HUWE1: variants seen among roughly 807,000 people sequenced by gnomAD.
The protein encoded by HUWE1 is HECT, UBA and WWE domain containing E3 ubiquitin protein ligase 1, also known as E3 ubiquitin-protein ligase HUWE1.
A neutral mutation model predicts 299.4 loss-of-function variants in HUWE1; 18 were observed. The observed-to-expected ratio is 0.06, with a 90% confidence interval of 0.04 to 0.09. HUWE1 has a LOEUF of 0.09. Ranked by LOEUF, HUWE1 falls within the 10% of genes least tolerant of loss-of-function variation. The pLI, the probability that HUWE1 is intolerant of heterozygous loss-of-function variation, is 1.00. For synonymous variants in HUWE1, 1,317 were observed against 1,286.1 expected (o/e 1.02, Z -0.51); for missense variants, 1,832 against 3,462.3 (o/e 0.53, Z 11.82).
Position 53,585,066 on chromosome X carries a change from C to T in HUWE1, c.4947G>A (p.Val1649=). Residue 1649 remains valine (V), a synonymous_variant, in exon 40 of 84, where the codon GTG becomes GTA. Coordinates refer to ENST00000262854, the MANE Select transcript of HUWE1 (RefSeq NM_031407.7). ...ATCTTCTTCGGCCTGCAGTGAATCG[C>T]ACGCTTGTCTCTCCAGATTTCCAGG... ...DSAWKSGETS[V]RFTAGRRRYT... 1 of 1,211,916 alleles carries T rather than the reference C, an allele frequency of 8.3e-7. No individual in the cohort carries two copies. Among genetic ancestry groups the T allele is most frequent in the Non-Finnish European group, 1.1e-6 (1 of 895,566 alleles).
chrX:53,590,028 C>CA (rs1437052878), intron 35 of HUWE1, among the ~76,000 whole-genome samples: 2 of 112,037 alleles, frequency 1.8e-5, no homozygotes, highest in Non-Finnish European at 3.8e-5. Context: ...CTTTCACTGT[C>CA]AAGTCACTTG....
chrX:53,581,634 C>T (rs2063618731), intron 42 of HUWE1, among the ~76,000 whole-genome samples: 1 of 111,385 alleles, frequency 9.0e-6, no homozygotes, highest in South Asian at 3.7e-4. Flanking sequence ...AAACTACATG[C>T]TCACAATGAA....
intron 6 of HUWE1, among the ~76,000 whole-genome samples, chrX:53,645,992 T>C (rs1557035699): frequency 1.8e-5 from 2 of 109,991 alleles, no homozygotes; most frequent in Middle Eastern, 4.7e-3. Context: ...AGATATTTTA[T>C]GTTCTCTTCT....
chrX:53,625,626 T>C, intron 17 of HUWE1: 1 of 183,729 alleles, frequency 5.4e-6, no homozygotes, highest in East Asian at 1.6e-4. Flanking sequence ...GAAAGACATG[T>C]TAATATAAGA....
At position 53,585,024 on chromosome X, in the gene HUWE1, A is replaced by G. The variant is rs1556971936; in HGVS notation, c.4989T>C (p.Thr1663=). 8.3e-7 allele frequency: 1 copy of G among 1,211,817 alleles called. No homozygotes were observed. ...AGRRRYTVQF[T]TMVQVNEETG... Reference sequence around the variant, plus strand: ...AGTGAGCATGTACCTGCACCATTGTAGTGAATTGGACCGTGTATCTTCTTC... The same window carrying G: ...AGTGAGCATGTACCTGCACCATTGTGGTGAATTGGACCGTGTATCTTCTTC... Residue 1663 remains threonine, a synonymous_variant, in exon 40 of 84, where the codon ACT becomes ACC. Coordinates refer to ENST00000262854, the MANE Select transcript of HUWE1 (RefSeq NM_031407.7).
rs782735165 is a variant in HUWE1, at chrX:53,595,218, G to A, written c.3349C>T (p.Pro1117Ser). 5.8e-6 allele frequency: 7 copies of A among 1,210,678 alleles called. No homozygotes were observed. The highest frequency in any genetic ancestry group is 6.7e-6 in the Non-Finnish European group (6 of 894,867). The change falls in exon 30 of 84, where the codon CCC (proline) becomes TCC (serine). Residue 1117 changes from proline (P) to serine (S), a missense_variant. This residue lies in a region of HUWE1 where 658 missense variants were observed against 1,282.6 expected (regional missense o/e 0.51). Transcript: ENST00000262854. ...CGGGGAGTAGGTGTATATGGTGGGG[G>A]CTGCCAAGATAACCCCTTAGTCAAG... ...KLLTKGLSWQ[P>S]PPYTPTPRFR...
intron 12 of HUWE1, among the ~76,000 whole-genome samples, chrX:53,630,673 T>TAAA (rs11317885): frequency 1.0e-5 from 1 of 97,778 alleles, no homozygotes. Flanking sequence ...GCATATCTAT[T>TAAA]AAAAAAAAAA....
chrX:53,677,414 G>A (rs954037637), intron 3 of HUWE1, among the ~76,000 whole-genome samples: 1 of 110,006 alleles, frequency 9.1e-6, no homozygotes, highest in African/African-American at 3.3e-5. Flanking sequence ...ATGAAGGACC[G>A]TGTGGCACAA....
chrX:53,588,158 T>C (rs932188325), intron 37 of HUWE1, among the ~76,000 whole-genome samples: 3 of 111,763 alleles, frequency 2.7e-5, no homozygotes, highest in African/African-American at 6.5e-5. Context: ...TCCAAAGTGA[T>C]GCATATGACT....
At chrX:53,558,509 T>C (rs782727506) in intron 59 of HUWE1, 146 bp downstream of exon 59, 21 of 568,018 alleles carry the variant, frequency 3.7e-5, no homozygotes, top group African/African-American at 1.6e-4. Context: ...ACCAGGTCAA[T>C]GTATGGTGAA....
At chrX:53,610,970 A>AT (rs1557001616) in intron 23 of HUWE1, among the ~76,000 whole-genome samples, 1 of 110,391 alleles carries the variant, frequency 9.1e-6, no homozygotes, top group Non-Finnish European at 1.9e-5. Context: ...GCAATATCAG[A>AT]TTTTCTGAGA....
chrX:53,616,214 A>G (rs1307489894), intron 21 of HUWE1, among the ~76,000 whole-genome samples: 2 of 109,065 alleles, frequency 1.8e-5, no homozygotes, highest in African/African-American at 3.3e-5. Flanking sequence ...GGCTGTTGTG[A>G]TATTTTTTTC....
At chrX:53,646,093 T>C (rs1569508472) in intron 6 of HUWE1, among the ~76,000 whole-genome samples, 1 of 110,965 alleles carries the variant, frequency 9.0e-6, no homozygotes. Context: ...TCGTGGCAAT[T>C]ATATAACATA....
rs1022998089 is a variant in HUWE1 at position 53,581,111 on chromosome X, C to G, written c.5521-85G>C. The G allele has an allele frequency of 6.1e-6, 5 of 817,032 alleles. No homozygotes were observed. In the African/African-American group the frequency reaches 1.0e-4, roughly 17 times the overall value. 67.3% of individuals were successfully genotyped at this position (817,032 alleles called of 1,213,427 possible). Reference sequence around the variant, plus strand: ...AGTCAAGAGTTACCAAGACTAAAAGCTTTTGATTTTGGGGAGAATGACATT... The same window carrying G: ...AGTCAAGAGTTACCAAGACTAAAAGGTTTTGATTTTGGGGAGAATGACATT... On this transcript the variant is annotated intron_variant, in intron 42 of 83. Coordinates refer to ENST00000262854, the MANE Select transcript of HUWE1 (RefSeq NM_031407.7).
In HUWE1 at chrX:53,590,530, T is replaced by C. The variant is rs147957078; in HGVS notation, c.4096-31A>G. On this transcript the variant is annotated intron_variant, in intron 34 of 83. Coordinates refer to ENST00000262854, the MANE Select transcript of HUWE1 (RefSeq NM_031407.7). ...GTGTTAAGAGAATATCCAGTAAGGA[T>C]ACACACTCAAAACAAAGAAACCCAA... 2.3e-4 allele frequency: 242 copies of C among 1,048,591 alleles called. 1 individual carries two copies. The African/African-American group carries it at 4.2e-3, about 18-fold the overall frequency. The allele number at this position is 1,048,591 out of a possible 1,213,427, so 86.4% of individuals were successfully genotyped here. A position where few individuals can be genotyped will look rare whatever the true frequency, so the allele number is the denominator to read the frequency against.
chrX:53,666,034 G>C (rs888610836), intron 3 of HUWE1, among the ~76,000 whole-genome samples: 1 of 111,858 alleles, frequency 8.9e-6, no homozygotes, highest in Non-Finnish European at 1.9e-5. Flanking sequence ...TGCCTGTATC[G>C]AATAGGTGAA....
rs1663255501 is a variant in HUWE1 at position 53,634,154 on chromosome X, T to C, written c.567+82A>G. On this transcript the variant is annotated intron_variant, in intron 8 of 83. Coordinates refer to ENST00000262854, the MANE Select transcript of HUWE1 (RefSeq NM_031407.7). ...CTCGATGTGAAGGCGTCACTTCATA[T>C]ACCACAATTCATTGTAAAGTAAGGT... 3.9e-6 allele frequency: 3 copies of C among 774,080 alleles called. No individual in the cohort carries two copies. The Admixed American group carries it at 6.6e-5, about 17-fold the overall frequency. 63.8% of individuals were successfully genotyped at this position (774,080 alleles called of 1,213,427 possible). A position where few individuals can be genotyped will look rare whatever the true frequency, so the allele number is the denominator to read the frequency against.
chrX:53,584,596 T>G (rs1556971386), intron 40 of HUWE1, among the ~76,000 whole-genome samples: 1 of 111,460 alleles, frequency 9.0e-6, no homozygotes, highest in African/African-American at 3.3e-5. Flanking sequence ...AGCCCTTGAC[T>G]AAACACTTAA....
intron 3 of HUWE1, among the ~76,000 whole-genome samples, chrX:53,672,718 T>C (rs1248397450): frequency 8.9e-6 from 1 of 112,008 alleles, no homozygotes; most frequent in African/African-American, 3.3e-5. Context: ...CAGATGTTCA[T>C]TGTGCTATGT....
Sources: allele counts gnomAD v4.1 joint callset (sites outside exome capture counted in the v4.1 genomes callset), GRCh38; gene constraint gnomAD v4.1.1; regional missense constraint gnomAD v4.1.1; transcripts MANE v1.5; gene names NCBI Gene and HGNC (gene_info 2026-07-23, HGNC 2026-07-21).